CPNE8: variants seen among roughly 807,000 people sequenced by gnomAD.
CPNE8 encodes copine 8.
A neutral mutation model predicts 81.5 loss-of-function variants in CPNE8; 45 were observed. The ratio of observed to expected loss-of-function variants is 0.55; its 90% confidence interval spans 0.44 to 0.71. The LOEUF is 0.71. Ranked by LOEUF, CPNE8 falls within the 30% of genes least tolerant of loss-of-function variation. The probability of loss-of-function intolerance (pLI) is 0.00; values close to 1 mark genes in which losing one functional copy is unlikely to be tolerated. For missense variants in CPNE8, 594 were observed against 672.1 expected, an observed-to-expected ratio of 0.88 and a Z score of 1.28; for synonymous variants, 252 against 226.3, an observed-to-expected ratio of 1.11 and a Z score of -1.02.
chr12:38,827,815 A>G lies in CPNE8; in HGVS notation c.407+1564T>C, dbSNP rs113334088. On this transcript the variant is annotated intron_variant, in intron 6 of 19. Coordinates refer to ENST00000331366, the MANE Select transcript of CPNE8 (RefSeq NM_153634.3). ...AAGGAAACAGCAGACACTGGAGCCTACTTGAGGGTGGAGGAAGGGAGGAAA... is the reference window on the plus strand; with the variant it reads ...AAGGAAACAGCAGACACTGGAGCCTGCTTGAGGGTGGAGGAAGGGAGGAAA... Among the ~76,000 whole-genome samples the G allele has an allele frequency of 7.1e-3, 1,076 of 152,246 alleles. 7 individuals carry two copies. Among genetic ancestry groups the G allele is most frequent in the Middle Eastern group, 0.055 (16 of 292 alleles).
intron 10 of CPNE8, among the ~76,000 whole-genome samples, chr12:38,731,809 C>T (rs1291879442): frequency 6.6e-6 from 1 of 151,838 alleles, no homozygotes; most frequent in Non-Finnish European, 1.5e-5. Context: ...TAGTACAATT[C>T]GTATGAAATC....
intron 6 of CPNE8, among the ~76,000 whole-genome samples, chr12:38,828,835 G>A (rs1943239840): frequency 6.6e-6 from 1 of 152,082 alleles, no homozygotes; most frequent in African/African-American, 2.4e-5. Flanking sequence ...TGGAACTGGA[G>A]GAAACAGAAT....
At chr12:38,905,673 G>A (rs1341642215), upstream of CPNE8, 5 of 1,471,878 alleles carry the variant, frequency 3.4e-6, no homozygotes, top group East Asian at 2.5e-5. Flanking sequence ...CGGGATGGGG[G>A]AGGGAAGGGA....
At chr12:38,895,019 A>G (rs1944370768) in intron 1 of CPNE8, among the ~76,000 whole-genome samples, 1 of 152,118 alleles carries the variant, frequency 6.6e-6, no homozygotes, top group African/African-American at 2.4e-5. Context: ...AATTATAATC[A>G]TATCTCTGGT....
At chr12:38,802,669 T>G (rs994689210) in intron 6 of CPNE8, among the ~76,000 whole-genome samples, 1 of 151,260 alleles carries the variant, frequency 6.6e-6, no homozygotes. Context: ...AGAGCAGAAC[T>G]GAAGGAAATA....
chr12:38,675,205 A>G (rs1028009121), intron 18 of CPNE8, among the ~76,000 whole-genome samples: 3 of 152,186 alleles, frequency 2.0e-5, no homozygotes, highest in African/African-American at 2.4e-5. Flanking sequence ...TCTCTTTCAT[A>G]TGACACAACT....
At chr12:38,744,305 C>G (rs138049821) in intron 10 of CPNE8, among the ~76,000 whole-genome samples, 267 of 152,248 alleles carry the variant, frequency 1.8e-3, no homozygotes, top group African/African-American at 6.3e-3. Flanking sequence ...CCAGTATTGT[C>G]TGGATTGTAA....
Position 38,873,005 on chromosome 12 carries a change from T to TGGAGTTTTAAA in CPNE8, c.184_185insTTTAAAACTCC (p.Glu62ValfsTer2). On this transcript the variant is annotated stop_gained and frameshift_variant and splice_region_variant, in exon 3 of 20. Coordinates refer to ENST00000331366, the MANE Select transcript of CPNE8 (RefSeq NM_153634.3). LOFTEE classifies it high-confidence loss of function. ...TTTTTAAAAAAGTTTTAAACTTACCTCTCTCCATTCTTTATTTCCAACTCC... is the reference window on the plus strand; with the variant it reads ...TTTTTAAAAAAGTTTTAAACTTACCTGGAGTTTTAAACTCTCCATTCTTTATTTCCAACTCC... 6.5e-7 allele frequency: 1 copy of TGGAGTTTTAAA among 1,527,828 alleles called. No individual in the cohort carries two copies. Among genetic ancestry groups the TGGAGTTTTAAA allele is most frequent in the Non-Finnish European group, 9.0e-7 (1 of 1,105,950 alleles). The allele number at this position is 1,527,828 out of a possible 1,614,324, so 94.6% of individuals were successfully genotyped here. A position where few individuals can be genotyped will look rare whatever the true frequency, so the allele number is the denominator to read the frequency against.
At position 38,683,396 on chromosome 12, in the gene CPNE8, C is replaced by T. The variant is rs182122727; in HGVS notation, c.1271+2094G>A. The stretch of plus-strand genomic sequence containing the variant: ...TTGTGTTTTAGACATTTGTTGAATA[C>T]TTACCTCCTACATAATAGGTATGAT... On this transcript the variant is annotated intron_variant, in intron 16 of 19. Transcript: ENST00000331366. Among the ~76,000 whole-genome samples, 3 of 152,150 alleles carry T rather than the reference C, an allele frequency of 2.0e-5. No individual in the cohort carries two copies. The East Asian group carries it at 5.8e-4, about 29-fold the overall frequency.
At chr12:38,729,879 C>T (rs752453085) in intron 11 of CPNE8, among the ~76,000 whole-genome samples, 13 of 152,026 alleles carry the variant, frequency 8.6e-5, no homozygotes, top group Non-Finnish European at 1.3e-4. Context: ...TCCACCTAAA[C>T]GGTAGTGAAG....
In CPNE8 at chr12:38,790,681, C is replaced by G. The variant is rs11169540; in HGVS notation, c.408-14380G>C. Among the ~76,000 whole-genome samples the G allele has an allele frequency of 5.3e-3, 807 of 151,732 alleles. 8 individuals carry two copies. The highest frequency in any genetic ancestry group is 0.019 in the African/African-American group (777 of 41,506). On this transcript the variant is annotated intron_variant, in intron 6 of 19. Transcript: ENST00000331366. ...TCCATGATGTGATTATTACACATTG[C>G]ATGCCTATATCAAAACATCTCATAT...
At chr12:38,875,856 C>T (rs1479944816) in intron 1 of CPNE8, among the ~76,000 whole-genome samples, 1 of 152,172 alleles carries the variant, frequency 6.6e-6, no homozygotes, top group African/African-American at 2.4e-5. Context: ...ATGACTCCAG[C>T]AACGGTTAGC....
intron 6 of CPNE8, among the ~76,000 whole-genome samples, chr12:38,806,279 A>G (rs1201206638): frequency 6.7e-6 from 1 of 150,222 alleles, no homozygotes; most frequent in East Asian, 2.2e-4. Flanking sequence ...CTGATACCAA[A>G]GCCAGGCAGA....
rs1451034146 is a variant in CPNE8, at chr12:38,889,402, A to G, written c.99-14891T>C. On this transcript the variant is annotated intron_variant, in intron 1 of 19. Transcript: ENST00000331366. ...AACGTGAGGCCAAACTGTTCCTACCAGAGAGAACCACAGTGTGAACATCAT... is the reference window on the plus strand; with the variant it reads ...AACGTGAGGCCAAACTGTTCCTACCGGAGAGAACCACAGTGTGAACATCAT... Among the ~76,000 whole-genome samples, 4 of 152,300 alleles carry G rather than the reference A, an allele frequency of 2.6e-5. No individual in the cohort carries two copies. In the East Asian group the frequency reaches 7.7e-4, roughly 29 times the overall value.
At chr12:38,783,424 T>C (rs1942098344) in intron 6 of CPNE8, among the ~76,000 whole-genome samples, 2 of 152,116 alleles carry the variant, frequency 1.3e-5, no homozygotes, top group Admixed American at 1.3e-4. Context: ...CCTAATCCCC[T>C]TGCAGCTACA....
At chr12:38,813,581 G>T (rs909639787) in intron 6 of CPNE8, among the ~76,000 whole-genome samples, 5 of 152,176 alleles carry the variant, frequency 3.3e-5, no homozygotes, top group African/African-American at 1.2e-4. Flanking sequence ...AAATATAATT[G>T]TTATAAGACA....
intron 19 of CPNE8, among the ~76,000 whole-genome samples, chr12:38,655,962 G>A (rs898858323): frequency 1.7e-5 from 2 of 120,274 alleles, no homozygotes; most frequent in African/African-American, 5.2e-5. Context: ...AAGGCAGCTT[G>A]CTAAGGATGT....
intron 6 of CPNE8, among the ~76,000 whole-genome samples, chr12:38,816,754 A>C (rs1347632678): frequency 6.6e-6 from 1 of 152,220 alleles, no homozygotes; most frequent in East Asian, 1.9e-4. Context: ...ATGTCCACTT[A>C]CTAAACTGCT....
intron 6 of CPNE8, among the ~76,000 whole-genome samples, chr12:38,779,375 A>G (rs1941998747): frequency 6.6e-6 from 1 of 152,176 alleles, no homozygotes; most frequent in African/African-American, 2.4e-5. Context: ...GAAATTCAAT[A>G]AACAGCCAAC....
Sources: allele counts gnomAD v4.1 joint callset (sites outside exome capture counted in the v4.1 genomes callset), GRCh38; gene constraint gnomAD v4.1.1; transcripts MANE v1.5; gene names NCBI Gene and HGNC (gene_info 2026-07-23, HGNC 2026-07-21).